PCDHA4: variants seen among roughly 807,000 people sequenced by gnomAD.
PCDHA4 encodes the protein protocadherin alpha-4.
A neutral mutation model predicts 61.4 loss-of-function variants in PCDHA4; 49 were observed. The ratio of observed to expected loss-of-function variants is 0.80; its 90% CI spans 0.63 to 1.01. PCDHA4 has a LOEUF of 1.01. Ranked by LOEUF, PCDHA4 falls within the 50% of genes least tolerant of loss-of-function variation. The pLI is 0.00. For missense variants in PCDHA4, 1,254 were observed against 1,235.8 expected (o/e 1.01, Z -0.22); for synonymous variants, 590 against 550.3 (o/e 1.07, Z -1.01).
At chr5:140,861,660 G>C (rs1410564922) in intron 1 of PCDHA4, 1 of 269,190 alleles carries the variant, frequency 3.7e-6, no homozygotes, top group Admixed American at 4.3e-5. Context: ...TCTGAAACGA[G>C]AGCTCTTGAT....
chr5:140,954,777 T>C (rs1563274185), intron 1 of PCDHA4, among the ~76,000 whole-genome samples: 1 of 152,214 alleles, frequency 6.6e-6, no homozygotes, highest in African/African-American at 2.4e-5. Flanking sequence ...TTAATTTAAT[T>C]AGATCTCATT....
intron 1 of PCDHA4, chr5:140,967,338 A>G: frequency 3.7e-6 from 6 of 1,607,948 alleles, no homozygotes; most frequent in Non-Finnish European, 4.3e-6. Flanking sequence ...AGCCCCAGCG[A>G]GCACTTCGAG....
chr5:140,882,094 C>G, intron 1 of PCDHA4: 1 of 1,172,684 alleles, frequency 8.5e-7, no homozygotes. Flanking sequence ...TCACTGAGAA[C>G]GTTTCCGCGA....
chr5:140,841,365 T>C (rs1238477201), intron 1 of PCDHA4: 13 of 1,613,134 alleles, frequency 8.1e-6, no homozygotes, highest in Non-Finnish European at 1.1e-5. Context: ...TGGCGACTAC[T>C]ACTCTTGCTT....
At chr5:140,941,406 T>C (rs1381146519) in intron 1 of PCDHA4, among the ~76,000 whole-genome samples, 1 of 146,240 alleles carries the variant, frequency 6.8e-6, no homozygotes, top group Non-Finnish European at 1.5e-5. Context: ...AACCTCCGCC[T>C]CCCGGGTTCA....
In PCDHA4 at chr5:140,843,462, C is replaced by T. The variant is rs2150360645; in HGVS notation, c.2385+33890C>T. 3.1e-6 allele frequency: 5 copies of T among 1,596,046 alleles called. 1 individual carries two copies. The highest frequency in any genetic ancestry group is 2.2e-5 in the East Asian group (1 of 44,822). ...GCGGTATCCAGCCTGCTGGTGCTCACGCTGCTGCTGTACACTGCGCTGCGG... is the reference window on the plus strand; with the variant it reads ...GCGGTATCCAGCCTGCTGGTGCTCATGCTGCTGCTGTACACTGCGCTGCGG... On this transcript the variant is annotated intron_variant, in intron 1 of 3. Coordinates refer to ENST00000530339, the MANE Select transcript of PCDHA4 (RefSeq NM_018907.4).
intron 1 of PCDHA4, chr5:140,821,836 G>A (rs2150111066): frequency 6.2e-7 from 1 of 1,614,106 alleles, no homozygotes; most frequent in Non-Finnish European, 8.5e-7. Flanking sequence ...GCTTCTCCTT[G>A]CCTACTGGAA....
At chr5:140,834,787 C>A (rs2150226563) in intron 1 of PCDHA4, 5 of 1,613,542 alleles carry the variant, frequency 3.1e-6, no homozygotes, top group East Asian at 2.2e-5. Context: ...GTGTTCCCAG[C>A]GACACAAAGG....
intron 3 of PCDHA4, among the ~76,000 whole-genome samples, chr5:141,008,133 A>G (rs782089475): frequency 6.6e-6 from 1 of 152,208 alleles, no homozygotes; most frequent in Non-Finnish European, 1.5e-5. Context: ...GGGGATGACA[A>G]ATGCTGCTGA....
rs1554217734 is a variant in PCDHA4, at chr5:140,946,611, AATATATAT to A, written c.2386-32324_2386-32317del. Among the ~76,000 whole-genome samples, 24 of 86,806 alleles carry A rather than the reference AATATATAT, an allele frequency of 2.8e-4. 1 individual carries two copies. Among genetic ancestry groups the A allele is most frequent in the African/African-American group, 1.5e-3 (23 of 15,698 alleles). 56.9% of individuals were successfully genotyped at this position (86,806 alleles called of 152,430 possible). On this transcript the variant is annotated intron_variant, in intron 1 of 3. Coordinates refer to ENST00000530339, the MANE Select transcript of PCDHA4 (RefSeq NM_018907.4). ...GGATGAATAGATAAAGAAAATGTGA[AATATATAT>A]ATATATATATATACAATGGAATACT... is the stretch of plus-strand genomic sequence containing the variant.
intron 1 of PCDHA4, among the ~76,000 whole-genome samples, chr5:140,925,996 T>C (rs2082856637): frequency 6.6e-6 from 1 of 152,190 alleles, no homozygotes; most frequent in Non-Finnish European, 1.5e-5. Context: ...CTGGCTCCGC[T>C]GCCTCGAAAA....
In PCDHA4 at chr5:141,011,807, A is replaced by G. The variant is rs940017317; in HGVS notation, c.*1870A>G. ...CTAATGGTATCTGAAATATCAGCTC[A>G]TAGAAAGTAACAAAATTTGCTGTCA... On this transcript the variant is annotated 3_prime_UTR_variant, in exon 4 of 4. Coordinates refer to ENST00000530339, the MANE Select transcript of PCDHA4 (RefSeq NM_018907.4). The G allele has an allele frequency of 1.3e-5, 2 of 153,798 alleles. No individual in the cohort carries two copies. Among genetic ancestry groups the G allele is most frequent in the African/African-American group, 4.8e-5 (2 of 41,468 alleles). The allele number at this position is 153,798 out of a possible 1,614,324, so 9.5% of individuals were successfully genotyped here.
chr5:140,968,761 T>C (rs782432205), intron 1 of PCDHA4: 1 of 1,614,140 alleles, frequency 6.2e-7, no homozygotes, highest in South Asian at 1.1e-5. Flanking sequence ...TCCGAGATAA[T>C]GGAGAGCCAT....
chr5:140,905,163 G>A (rs782288723), intron 1 of PCDHA4, among the ~76,000 whole-genome samples: 30 of 152,274 alleles, frequency 2.0e-4, no homozygotes, highest in African/African-American at 7.0e-4. Flanking sequence ...AATTTTCATG[G>A]TTTCAGGTTT....
intron 1 of PCDHA4, among the ~76,000 whole-genome samples, chr5:140,962,736 C>T (rs1233355346): frequency 2.0e-5 from 3 of 152,136 alleles, no homozygotes; most frequent in Non-Finnish European, 4.4e-5. Flanking sequence ...TCTGGGGATG[C>T]ATGAAGATCA....
intron 1 of PCDHA4, chr5:140,834,432 T>A (rs2150217756): frequency 6.2e-7 from 1 of 1,613,886 alleles, no homozygotes; most frequent in South Asian, 1.1e-5. Context: ...TCTACTGCTG[T>A]TTATTATAAT....
intron 1 of PCDHA4, chr5:140,829,601 T>C (rs2150171012): frequency 1.2e-5 from 20 of 1,611,826 alleles, no homozygotes; most frequent in Admixed American, 6.7e-5. Flanking sequence ...CGAGCGCGCG[T>C]TGTCGAGCTA....
In PCDHA4 at chr5:140,808,339, G is replaced by C; in HGVS notation, c.1152G>C (p.Leu384=). 1 of 1,614,246 alleles carries C rather than the reference G, an allele frequency of 6.2e-7. No individual in the cohort carries two copies. Among genetic ancestry groups the C allele is most frequent in the East Asian group, 2.2e-5 (1 of 44,886 alleles). Residue 384 remains leucine (L), a synonymous_variant, in exon 1 of 4, where the codon CTG becomes CTC. Coordinates refer to ENST00000530339, the MANE Select transcript of PCDHA4 (RefSeq NM_018907.4). The part of the protein sequence containing the change: ...VSDKDMGVNG[L]VTCSLTSHVP... ...ACAAAGACATGGGTGTCAATGGGCT[G>C]GTCACCTGCTCCTTGACGTCCCACG...
At chr5:140,843,182 C>G (rs2150354761) in intron 1 of PCDHA4, 2 of 1,595,932 alleles carry the variant, frequency 1.3e-6, no homozygotes, top group African/African-American at 2.7e-5. Flanking sequence ...CCCTCGCATC[C>G]CGTTCCGCGT....
Sources: allele counts gnomAD v4.1 joint callset (sites outside exome capture counted in the v4.1 genomes callset), GRCh38; gene constraint gnomAD v4.1.1; transcripts MANE v1.5; gene names NCBI Gene and HGNC (gene_info 2026-07-23, HGNC 2026-07-21).